PAPPA: variants seen among roughly 807,000 people sequenced by gnomAD.
The protein encoded by PAPPA is pappalysin 1.
In PAPPA, 60 loss-of-function variants were observed where a neutral mutation model predicts 164.0. That is an observed-to-expected ratio of 0.37 (90% CI 0.30 to 0.45). The LOEUF is 0.45. PAPPA is among the 20% of genes least tolerant of loss of function. The pLI is 1.00. For synonymous variants in PAPPA, 875 were observed against 814.1 expected, an observed-to-expected ratio of 1.07 and a Z score of -1.27; for missense variants, 1,782 against 2,087.3, an observed-to-expected ratio of 0.85 and a Z score of 2.85.
chr9:116,235,035 C>G, intron 6 of PAPPA, 104 bp from the exon 7 acceptor site: 1 of 1,315,174 alleles, frequency 7.6e-7, no homozygotes, highest in Non-Finnish European at 1.1e-6. Flanking sequence ...TCCCCTCTGT[C>G]TAAGTTCTAG....
At chr9:116,306,068 C>T (rs1256444807) in intron 10 of PAPPA, among the ~76,000 whole-genome samples, 1 of 152,186 alleles carries the variant, frequency 6.6e-6, no homozygotes, top group Non-Finnish European at 1.5e-5. Flanking sequence ...TTCCCATTTC[C>T]TCTTTACAAT....
chr9:116,378,872 C>T (rs1438060626), intron 20 of PAPPA, among the ~76,000 whole-genome samples: 2 of 152,174 alleles, frequency 1.3e-5, no homozygotes, highest in Admixed American at 1.3e-4. Flanking sequence ...CTAGGTTACA[C>T]ATTTTTTTCT....
intron 1 of PAPPA, among the ~76,000 whole-genome samples, chr9:116,166,119 T>C (rs1317938443): frequency 6.6e-6 from 1 of 152,188 alleles, no homozygotes; most frequent in Non-Finnish European, 1.5e-5. Context: ...CCAAAGCACA[T>C]GACCTAGCAT....
At chr9:116,163,924 G>A (rs534094856) in intron 1 of PAPPA, among the ~76,000 whole-genome samples, 1 of 152,108 alleles carries the variant, frequency 6.6e-6, no homozygotes, top group African/African-American at 2.4e-5. Context: ...ATTATTTGGG[G>A]AATATTGGTA....
At chr9:116,382,305 G>A in intron 20 of PAPPA, 90 bp from the exon 21 acceptor site, 1 of 803,200 alleles carries the variant, frequency 1.2e-6, no homozygotes, top group Admixed American at 1.7e-5. Flanking sequence ...GTGAAAAGAT[G>A]ACAGACACCC....
intron 9 of PAPPA, among the ~76,000 whole-genome samples, chr9:116,276,897 C>T (rs1226144574): frequency 6.6e-6 from 1 of 152,162 alleles, no homozygotes; most frequent in African/African-American, 2.4e-5. Context: ...GCCTCCCCAC[C>T]AGTTGCTGGG....
At chr9:116,159,578 A>G (rs1843643431) in intron 1 of PAPPA, among the ~76,000 whole-genome samples, 1 of 152,210 alleles carries the variant, frequency 6.6e-6, no homozygotes, top group Admixed American at 6.5e-5. Context: ...AAAACAAGTT[A>G]GCATTCAGAG....
chr9:116,288,586 A>G (rs1166947115), intron 9 of PAPPA: 1 of 151,990 alleles, frequency 6.6e-6, no homozygotes, highest in Non-Finnish European at 1.5e-5. Flanking sequence ...AGCAATACAA[A>G]TCAGAACATA....
intron 16 of PAPPA, 118 bp from the exon 17 acceptor site, chr9:116,353,480 GGTCCCACCAGAACCCAATAGGTCA>G: frequency 1.4e-6 from 1 of 691,544 alleles, no homozygotes; most frequent in South Asian, 1.8e-5. Flanking sequence ...TTCCTGCACG[GGTCCCACCAGAACCCAATAGGTCA>G]GGTGGGGAAT....
At chr9:116,239,346 A>G (rs2118754631) in intron 7 of PAPPA, among the ~76,000 whole-genome samples, 1 of 152,254 alleles carries the variant, frequency 6.6e-6, no homozygotes, top group African/African-American at 2.4e-5. Flanking sequence ...AACTCACCAT[A>G]TGACACAAAG....
intron 9 of PAPPA, among the ~76,000 whole-genome samples, chr9:116,298,546 T>A (rs936646950): frequency 9.2e-5 from 14 of 152,188 alleles, no homozygotes; most frequent in Non-Finnish European, 2.1e-4. Context: ...TATCAGCTAG[T>A]CACCACCTGG....
chr9:116,331,321 A>T lies in PAPPA; in HGVS notation c.3225A>T (p.Pro1075=), dbSNP rs762794123. 5 of 1,613,764 alleles carry T rather than the reference A, an allele frequency of 3.1e-6. No individual in the cohort carries two copies. The East Asian group carries it at 1.1e-4, about 36-fold the overall frequency. The change falls in exon 11 of 22, where the codon CCA becomes CCT. Residue 1075 remains proline (P), a synonymous_variant. Transcript: ENST00000328252. ...GGTACCCTTGCACCATCAGCTACCC[A>T]TATTCCCAGCTGGCTCAGACCACTT... ...HAWYPCTISY[P]YSQLAQTTFW... is the part of the protein sequence containing the mutation.
At chr9:116,282,504 T>TTAAATTAAATTAATTTAATTAAA (rs1372836626) in intron 9 of PAPPA, among the ~76,000 whole-genome samples, 2 of 152,244 alleles carry the variant, frequency 1.3e-5, no homozygotes, top group East Asian at 3.8e-4. Context: ...ATTAATTGGA[T>TTAAATTAAATTAATTTAATTAAA]AAAATTCACT....
chr9:116,372,330 T>G (rs994710087), intron 19 of PAPPA, among the ~76,000 whole-genome samples: 1 of 152,176 alleles, frequency 6.6e-6, no homozygotes, highest in Admixed American at 6.5e-5. Flanking sequence ...TGTGGCCAAA[T>G]TTTTCATTTT....
At chr9:116,191,048 G>A (rs1342678412) in intron 2 of PAPPA, among the ~76,000 whole-genome samples, 2 of 150,132 alleles carry the variant, frequency 1.3e-5, no homozygotes, top group Non-Finnish European at 3.0e-5. Flanking sequence ...AAGGGAAGGA[G>A]GGAGGGAGGG....
intron 15 of PAPPA, among the ~76,000 whole-genome samples, chr9:116,349,871 C>T (rs1223335043): frequency 6.6e-6 from 1 of 152,184 alleles, no homozygotes; most frequent in Non-Finnish European, 1.5e-5. Flanking sequence ...GACATGCCTT[C>T]ACTTCGTGTC....
At chr9:116,384,041 T>C (rs1846769623) in intron 21 of PAPPA, among the ~76,000 whole-genome samples, 1 of 152,084 alleles carries the variant, frequency 6.6e-6, no homozygotes, top group Non-Finnish European at 1.5e-5. Context: ...TGTGAGGGTA[T>C]TTTTGTCGTC....
intron 9 of PAPPA, among the ~76,000 whole-genome samples, chr9:116,277,774 T>G (rs1202796820): frequency 6.6e-6 from 1 of 152,142 alleles, no homozygotes; most frequent in Admixed American, 6.5e-5. Flanking sequence ...CCTCCCAGGT[T>G]CAAGTGATTC....
Position 116,271,408 on chromosome 9 carries a change from A to G in PAPPA, c.2945A>G (p.Asn982Ser), listed in dbSNP as rs1274776220. The change falls in exon 9 of 22, where the codon AAT (asparagine) becomes AGT (serine). Residue 982 changes from asparagine to serine, a missense_variant. This residue lies in a region of PAPPA where 1,324 missense variants were observed against 1,656.9 expected (regional missense o/e 0.80). Transcript: ENST00000328252. The surrounding 1 kb of genome is among the most constrained non-coding windows in gnomAD (Gnocchi z 4.2). The part of the protein sequence containing the change: ...SLFCRQEVSF[N>S]CIDEPSRCYF... ...TTCTGCCGACAAGAAGTCTCCTTCA[A>G]TTGTATTGGTACGTCTTTTTCATTT... 1.2e-6 allele frequency: 2 copies of G among 1,608,410 alleles called. No individual in the cohort carries two copies. Among genetic ancestry groups the G allele is most frequent in the East Asian group, 2.2e-5 (1 of 44,846 alleles).
Sources: gnomAD v4.1 joint callset for allele counts (sites outside exome capture counted in the v4.1 genomes callset) on GRCh38, gnomAD v4.1.1 for gene constraint, gnomAD v4.1.1 regional missense constraint, Gnocchi (gnomAD v3.1) non-coding constraint, MANE v1.5 for transcripts, NCBI Gene and HGNC (gene_info 2026-07-23, HGNC 2026-07-21) for gene names.